The following FER variants were observed in gnomAD, a reference collection of about 807,000 sequenced individuals.
FER encodes tyrosine-protein kinase Fer.
FER carries 63 observed loss-of-function variants against 111.0 expected under a neutral mutation model. The observed-to-expected ratio is 0.57, with a 90% CI of 0.46 to 0.70. The LOEUF (loss-of-function observed/expected upper bound fraction) is 0.70. Among genes scored for constraint, FER ranks in the 30% least tolerant of loss-of-function variants. The probability of loss-of-function intolerance (pLI) is 0.00; values close to 1 mark genes in which losing one functional copy is unlikely to be tolerated. For synonymous variants in FER, 327 were observed against 313.9 expected, an observed-to-expected ratio of 1.04 and a Z score of -0.44; for missense variants, 914 against 954.0, an observed-to-expected ratio of 0.96 and a Z score of 0.55.
chr5:109,053,691 ATTTTTTTTTTTT>A (rs544623578), intron 16 of FER, among the ~76,000 whole-genome samples: 3 of 119,402 alleles, frequency 2.5e-5, no homozygotes, highest in Non-Finnish European at 5.1e-5. Flanking sequence ...GTGGAGTTCT[ATTTTTTTTTTTT>A]TTTTTTTGAG....
intron 6 of FER, 38 bp downstream of exon 6, chr5:108,867,988 C>G: frequency 8.3e-6 from 13 of 1,563,668 alleles, no homozygotes; most frequent in Non-Finnish European, 1.1e-5. Context: ...AATCCCTTCA[C>G]AAAATGATTT....
intron 3 of FER, among the ~76,000 whole-genome samples, chr5:108,805,171 G>T (rs556609520): frequency 6.6e-6 from 1 of 152,078 alleles, no homozygotes; most frequent in South Asian, 2.1e-4. Flanking sequence ...GGCTGTTCTC[G>T]TGATAGTGAA....
At chr5:108,888,331 C>T (rs979345025) in intron 9 of FER, among the ~76,000 whole-genome samples, 8 of 151,856 alleles carry the variant, frequency 5.3e-5, no homozygotes, top group Admixed American at 1.3e-4. Context: ...CGTATGGTCA[C>T]GTGGCTCATG....
chr5:108,754,862 A>G (rs1340722859), intron 1 of FER, among the ~76,000 whole-genome samples: 2 of 152,236 alleles, frequency 1.3e-5, no homozygotes, highest in African/African-American at 4.8e-5. Flanking sequence ...GCTCAGTCAG[A>G]AAAGTATCTT....
intron 13 of FER, 34 bp from the exon 14 acceptor site, chr5:109,037,388 T>A (rs963367280): frequency 6.3e-7 from 1 of 1,583,954 alleles, no homozygotes; most frequent in Non-Finnish European, 8.7e-7. Flanking sequence ...TACCCTTGCT[T>A]GTACTAAACA....
intron 17 of FER, among the ~76,000 whole-genome samples, chr5:109,141,570 C>T (rs1474872662): frequency 6.6e-6 from 1 of 152,206 alleles, no homozygotes; most frequent in Non-Finnish European, 1.5e-5. Flanking sequence ...TTTCTTGCTA[C>T]CATGTGTCAG....
intron 5 of FER, among the ~76,000 whole-genome samples, chr5:108,866,916 C>T (rs1415917232): frequency 6.6e-6 from 1 of 152,070 alleles, no homozygotes; most frequent in Non-Finnish European, 1.5e-5. Flanking sequence ...AGTAAAGGAA[C>T]CATAAAATGT....
At chr5:108,997,965 A>C (rs968337315) in intron 13 of FER, among the ~76,000 whole-genome samples, 1 of 151,946 alleles carries the variant, frequency 6.6e-6, no homozygotes, top group Non-Finnish European at 1.5e-5. Context: ...AAGCTTCAGC[A>C]ATGGTGGACA....
intron 16 of FER, among the ~76,000 whole-genome samples, chr5:109,065,104 A>G (rs994982788): frequency 4.6e-5 from 7 of 152,196 alleles, no homozygotes; most frequent in Non-Finnish European, 7.4e-5. Flanking sequence ...GTTTTTACAA[A>G]TAGGTTTTCA....
chr5:108,903,054 A>T (rs574214456), intron 10 of FER, among the ~76,000 whole-genome samples: 21 of 152,232 alleles, frequency 1.4e-4, no homozygotes, highest in African/African-American at 4.6e-4. Flanking sequence ...TGGTTATTTA[A>T]CTTTATGACA....
chr5:108,891,919 G>T (rs1179000648), intron 9 of FER, among the ~76,000 whole-genome samples: 3 of 151,858 alleles, frequency 2.0e-5, no homozygotes, highest in Non-Finnish European at 2.9e-5. Context: ...GCGGTGTTTG[G>T]TTTTTTTGTC....
chr5:108,756,633 T>G (rs541841032), intron 1 of FER, among the ~76,000 whole-genome samples: 2 of 152,214 alleles, frequency 1.3e-5, no homozygotes, highest in African/African-American at 4.8e-5. Flanking sequence ...TATAACTTAT[T>G]AATATACTAT....
At chr5:108,813,417 TAC>T (rs1453871357) in intron 3 of FER, among the ~76,000 whole-genome samples, 1 of 152,172 alleles carries the variant, frequency 6.6e-6, no homozygotes, top group Admixed American at 6.5e-5. Flanking sequence ...CATGGGCTAC[TAC>T]AGTTTTCATC....
chr5:108,853,627 A>G (rs1337447804), intron 5 of FER, among the ~76,000 whole-genome samples: 1 of 152,204 alleles, frequency 6.6e-6, no homozygotes, highest in Non-Finnish European at 1.5e-5. Context: ...CATTTCCGGC[A>G]TATTTGAAGA....
At chr5:109,102,960 A>G (rs1033517663) in intron 17 of FER, among the ~76,000 whole-genome samples, 2 of 152,084 alleles carry the variant, frequency 1.3e-5, no homozygotes, top group Non-Finnish European at 2.9e-5. Flanking sequence ...ATTTTACTTG[A>G]TGTAGAGTTA....
At chr5:109,069,896 T>C (rs1018126903) in intron 16 of FER, among the ~76,000 whole-genome samples, 1 of 152,154 alleles carries the variant, frequency 6.6e-6, no homozygotes, top group African/African-American at 2.4e-5. Flanking sequence ...GTTATTGGTT[T>C]GTAATTCTTA....
At chr5:108,778,034 T>C (rs927468093) in intron 2 of FER, among the ~76,000 whole-genome samples, 1 of 152,210 alleles carries the variant, frequency 6.6e-6, no homozygotes, top group African/African-American at 2.4e-5. Context: ...CAGAATGTCA[T>C]ATAGGTATAA....
chr5:109,049,903 C>T (rs1453705127), intron 16 of FER, among the ~76,000 whole-genome samples: 2 of 152,104 alleles, frequency 1.3e-5, no homozygotes, highest in Non-Finnish European at 2.9e-5. Context: ...TCTTGCATTC[C>T]AAATGAAATC....
intron 16 of FER, among the ~76,000 whole-genome samples, chr5:109,087,627 G>T (rs1158142493): frequency 4.3e-5 from 6 of 140,220 alleles, no homozygotes; most frequent in African/African-American, 1.6e-4. Context: ...GGTATAATGG[G>T]GTTGTCATTG....
Sources: allele counts gnomAD v4.1 joint callset (sites outside exome capture counted in the v4.1 genomes callset), GRCh38; gene constraint gnomAD v4.1.1; transcripts MANE v1.5; gene names NCBI Gene and HGNC (gene_info 2026-07-23, HGNC 2026-07-21).